The following PDE4B variants were observed in gnomAD, a reference collection of about 807,000 sequenced individuals.
PDE4B encodes 3',5'-cyclic-AMP phosphodiesterase 4B.
In PDE4B, 20 loss-of-function variants were observed where a neutral mutation model predicts 82.2. The observed-to-expected ratio is 0.24, with a 90% CI of 0.17 to 0.35. PDE4B has a LOEUF of 0.35. Ranked by LOEUF, PDE4B falls within the 10% of genes least tolerant of loss-of-function variation. The pLI is 1.00. For synonymous variants in PDE4B, 320 were observed against 318.9 expected (o/e 1.00, Z -0.04); for missense variants, 655 against 907.2 (o/e 0.72, Z 3.57).
At chr1:66,249,670 C>A (rs551959271) in intron 4 of PDE4B, among the ~76,000 whole-genome samples, 1 of 151,566 alleles carries the variant, frequency 6.6e-6, no homozygotes, top group Non-Finnish European at 1.5e-5. Flanking sequence ...CCCCACCACC[C>A]GCCCCACCCC....
At chr1:66,032,736 A>G (rs1025963746) in intron 3 of PDE4B, among the ~76,000 whole-genome samples, 4 of 151,038 alleles carry the variant, frequency 2.6e-5, no homozygotes, top group African/African-American at 9.8e-5. Context: ...GCTCACTGCA[A>G]GCTCCGCCTC....
chr1:65,827,709 A>T (rs1480950543), intron 1 of PDE4B, among the ~76,000 whole-genome samples: 1 of 152,182 alleles, frequency 6.6e-6, no homozygotes, highest in Non-Finnish European at 1.5e-5. Context: ...AAAAAAGAGA[A>T]AACTAGTCAG....
At chr1:65,873,786 A>G (rs1571048664) in intron 1 of PDE4B, among the ~76,000 whole-genome samples, 1 of 152,194 alleles carries the variant, frequency 6.6e-6, no homozygotes. Context: ...AATATATTTC[A>G]TAAATAGAGG....
At chr1:65,865,460 C>T (rs1000681451) in intron 1 of PDE4B, among the ~76,000 whole-genome samples, 1 of 152,102 alleles carries the variant, frequency 6.6e-6, no homozygotes, top group African/African-American at 2.4e-5. Flanking sequence ...AAAACTCCTG[C>T]AGCTAGCTTA....
At position 65,835,302 on chromosome 1, in the gene PDE4B, AGAG is replaced by A. The variant is rs1235702764; in HGVS notation, c.-71+42055_-71+42057del. 3.9e-5 allele frequency among the ~76,000 whole-genome samples: 6 copies of A among 152,284 alleles called. No individual in the cohort carries two copies. The South Asian group carries it at 1.0e-3, about 26-fold the overall frequency. On this transcript the variant is annotated intron_variant, in intron 1 of 16. Coordinates refer to ENST00000341517, the MANE Select transcript of PDE4B (RefSeq NM_002600.4). ...AATCATCCCTCTCTGTTCTCCAAAG[AGAG>A]CTTCCCAAAGCAATTCCTGAGCCAT...
chr1:66,106,758 T>C (rs986954964), intron 3 of PDE4B, among the ~76,000 whole-genome samples: 1 of 149,270 alleles, frequency 6.7e-6, no homozygotes, highest in Non-Finnish European at 1.5e-5. Context: ...GATGGTAGTT[T>C]GTATTTCTGT....
chr1:66,146,125 T>C (rs1022866505), intron 3 of PDE4B, among the ~76,000 whole-genome samples: 1 of 148,854 alleles, frequency 6.7e-6, no homozygotes, highest in Non-Finnish European at 1.5e-5. Flanking sequence ...ATATCAACAC[T>C]ACTCATCCTG....
rs934474513 is a variant in PDE4B at position 66,325,320 on chromosome 1, C to T, written c.635-7188C>T. Among the ~76,000 whole-genome samples, 8 of 152,312 alleles carry T rather than the reference C, an allele frequency of 5.3e-5. 2 individuals carry two copies. The highest frequency in any genetic ancestry group is 6.5e-5 in the Admixed American group (1 of 15,298). ...GGGAGGAAGCTGAGAAGGCGCCTAG[C>T]TTCACAGACTTACTATTTATACAAG... On this transcript the variant is annotated intron_variant, in intron 7 of 16. Transcript: ENST00000341517.
Position 66,374,483 on chromosome 1 carries a change from A to G in PDE4B, c.*1805A>G, listed in dbSNP as rs1157623972. On this transcript the variant is annotated 3_prime_UTR_variant, in exon 17 of 17. Transcript: ENST00000341517. ...ATTTTATCATTTTCAAATGTTTCTC[A>G]CAATGTATGTTATAGTATTATTATT... is the stretch of plus-strand genomic sequence containing the variant. The G allele has an allele frequency of 2.6e-5, 4 of 152,626 alleles. No individual in the cohort carries two copies. The allele number at this position is 152,626 out of a possible 1,614,324, so 9.5% of individuals were successfully genotyped here.
At chr1:66,026,168 C>G (rs1653422340) in intron 3 of PDE4B, among the ~76,000 whole-genome samples, 1 of 152,160 alleles carries the variant, frequency 6.6e-6, no homozygotes, top group South Asian at 2.1e-4. Flanking sequence ...GCCCTTGAAG[C>G]ATGAATGACA....
chr1:65,921,835 A>G (rs1647260010), intron 3 of PDE4B, among the ~76,000 whole-genome samples: 2 of 152,216 alleles, frequency 1.3e-5, no homozygotes, highest in South Asian at 4.1e-4. Context: ...TTGTTTTTAC[A>G]GTTATCAAGG....
chr1:65,987,344 A>G (rs1046188332), intron 3 of PDE4B, among the ~76,000 whole-genome samples: 2 of 152,178 alleles, frequency 1.3e-5, no homozygotes, highest in African/African-American at 4.8e-5. Flanking sequence ...GATAAAAGTG[A>G]GGTATTCACA....
chr1:66,036,119 A>G (rs766043709), intron 3 of PDE4B, among the ~76,000 whole-genome samples: 11 of 152,140 alleles, frequency 7.2e-5, no homozygotes, highest in Non-Finnish European at 1.2e-4. Context: ...GGGCATTTGT[A>G]TGTCTTCTTT....
chr1:66,033,221 C>CTTG, intron 3 of PDE4B, among the ~76,000 whole-genome samples: 5 of 152,060 alleles, frequency 3.3e-5, no homozygotes, highest in Non-Finnish European at 7.4e-5. Flanking sequence ...CCCTAGAAGT[C>CTTG]ACTTTAATCT....
At chr1:66,227,987 C>CT in intron 3 of PDE4B, among the ~76,000 whole-genome samples, 1 of 152,166 alleles carries the variant, frequency 6.6e-6, no homozygotes, top group East Asian at 1.9e-4. Flanking sequence ...TATGAAATGG[C>CT]TTCATGGTAC....
At chr1:65,825,716 A>G (rs796615262) in intron 1 of PDE4B, among the ~76,000 whole-genome samples, 82 of 145,352 alleles carry the variant, frequency 5.6e-4, no homozygotes, top group African/African-American at 2.2e-3. Context: ...CTATCTATCT[A>G]TCTATCTATC....
At chr1:66,235,430 T>G (rs542776427) in intron 3 of PDE4B, among the ~76,000 whole-genome samples, 130 of 152,216 alleles carry the variant, frequency 8.5e-4, no homozygotes, top group Non-Finnish European at 1.6e-3. Flanking sequence ...AACTGACTCT[T>G]TTATCATTAT....
chr1:66,114,252 G>A (rs1395311607), intron 3 of PDE4B, among the ~76,000 whole-genome samples: 2 of 152,138 alleles, frequency 1.3e-5, no homozygotes, highest in African/African-American at 4.8e-5. Context: ...CCAGAACCCT[G>A]AGAAATGAAT....
At chr1:65,906,699 T>A (rs1647031649) in intron 1 of PDE4B, among the ~76,000 whole-genome samples, 1 of 152,152 alleles carries the variant, frequency 6.6e-6, no homozygotes, top group Non-Finnish European at 1.5e-5. Flanking sequence ...CTCAGCAAAT[T>A]GAATATTAAG....
Sources: gnomAD v4.1 joint callset for allele counts (sites outside exome capture counted in the v4.1 genomes callset) on GRCh38, gnomAD v4.1.1 for gene constraint, MANE v1.5 for transcripts, NCBI Gene and HGNC (gene_info 2026-07-23, HGNC 2026-07-21) for gene names.